The following DNAH5 variants were observed in gnomAD, a reference collection of about 807,000 sequenced individuals.
DNAH5 encodes dynein axonemal heavy chain 5, also known as axonemal beta dynein heavy chain 5.
Under a neutral mutation model 518.2 loss-of-function variants are expected in DNAH5, and 372 were observed. The ratio of observed to expected loss-of-function variants is 0.72; its 90% confidence interval spans 0.66 to 0.78. The LOEUF is 0.78. DNAH5 is among the 30% of genes least tolerant of loss of function. DNAH5 has a pLI of 0.00. For missense variants in DNAH5, 5,523 were observed against 5,687.0 expected, an observed-to-expected ratio of 0.97 and a Z score of 0.93; for synonymous variants, 2,039 against 2,025.9, an observed-to-expected ratio of 1.01 and a Z score of -0.17.
chr5:13,734,610 C>T (rs1217763197), intron 68 of DNAH5, among the ~76,000 whole-genome samples: 1 of 152,078 alleles, frequency 6.6e-6, no homozygotes, highest in African/African-American at 2.4e-5. Context: ...TGACCTGATG[C>T]CATCCCTTCT....
At chr5:13,789,218 T>C (rs1756562793) in intron 50 of DNAH5, among the ~76,000 whole-genome samples, 2 of 152,194 alleles carry the variant, frequency 1.3e-5, no homozygotes, top group Non-Finnish European at 2.9e-5. Context: ...TTGTAATAAA[T>C]TAGTCTTTTT....
chr5:13,902,683 G>C (rs1249924797), intron 12 of DNAH5, among the ~76,000 whole-genome samples: 2 of 152,216 alleles, frequency 1.3e-5, no homozygotes, highest in African/African-American at 4.8e-5. Context: ...GCAGGGCACT[G>C]TCTGGCTCTT....
Position 13,913,775 on chromosome 5 carries a change from C to T in DNAH5, c.1504G>A (p.Glu502Lys). ...TTAGTGGCCATGTCTTCCAGCCCTT[C>T]AATTGTGGAATCTTGCAGGACTGAA... ...TYSVLQDSTIEGLEDMATKYQ... is the reference protein window; with the variant it reads ...TYSVLQDSTIKGLEDMATKYQ... The change falls in exon 11 of 79, where the codon GAA (glutamate) becomes AAA (lysine). Residue 502 changes from glutamate (E) to lysine (K), a missense_variant. Physicochemically the swap from Glu to Lys is moderately conservative, Grantham distance 56 (BLOSUM62 1). Transcript: ENST00000265104. 1 of 1,613,466 alleles carries T rather than the reference C, an allele frequency of 6.2e-7. No homozygotes were observed. Among genetic ancestry groups the T allele is most frequent in the Non-Finnish European group, 8.5e-7 (1 of 1,179,512 alleles).
At chr5:13,972,373 C>G (rs146845477) in intron 1 of DNAH5, among the ~76,000 whole-genome samples, 162 of 152,266 alleles carry the variant, frequency 1.1e-3, no homozygotes, top group African/African-American at 3.7e-3. Flanking sequence ...CACGTTTGGT[C>G]AAAATTGTTA....
intron 73 of DNAH5, among the ~76,000 whole-genome samples, chr5:13,716,936 G>T (rs114018758): frequency 6.4e-4 from 98 of 152,250 alleles, no homozygotes; most frequent in African/African-American, 2.2e-3. Context: ...AATATAAATA[G>T]AAAATAGTGT....
chr5:13,915,822 T>G (rs1776590826), intron 9 of DNAH5, among the ~76,000 whole-genome samples: 1 of 152,044 alleles, frequency 6.6e-6, no homozygotes, highest in Non-Finnish European at 1.5e-5. Flanking sequence ...CACTTACGAG[T>G]TAGGACATAA....
intron 52 of DNAH5, among the ~76,000 whole-genome samples, chr5:13,785,263 T>C (rs1459349087): frequency 6.6e-6 from 1 of 151,370 alleles, no homozygotes; most frequent in Non-Finnish European, 1.5e-5. Context: ...CCTATGAAAA[T>C]CTAATGCCAC....
chr5:13,884,714 A>G (rs1215110350), intron 19 of DNAH5, among the ~76,000 whole-genome samples: 3 of 152,186 alleles, frequency 2.0e-5, no homozygotes, highest in Non-Finnish European at 2.9e-5. Flanking sequence ...GCGTGCGCCT[A>G]TAGTCCCAGC....
At chr5:13,764,572 G>A (rs1483274963) in intron 59 of DNAH5, among the ~76,000 whole-genome samples, 1 of 152,150 alleles carries the variant, frequency 6.6e-6, no homozygotes, top group African/African-American at 2.4e-5. Flanking sequence ...TGAAGATGTT[G>A]AGCAACTTAT....
intron 21 of DNAH5, among the ~76,000 whole-genome samples, chr5:13,882,499 T>C (rs1436095048): frequency 3.9e-5 from 6 of 152,158 alleles, no homozygotes; most frequent in African/African-American, 1.4e-4. Flanking sequence ...GGATGCAAGA[T>C]TGGTTCAATA....
chr5:13,891,175 T>C, intron 16 of DNAH5, 54 bp from the exon 17 acceptor site: 1 of 1,597,908 alleles, frequency 6.3e-7, no homozygotes, highest in Non-Finnish European at 8.6e-7. Context: ...ATTTTGTTTT[T>C]TAAAAAAATC....
At position 13,956,774 on chromosome 5, in the gene DNAH5, G is replaced by A. The variant is rs148159898; in HGVS notation, c.13-25530C>T. Among the ~76,000 whole-genome samples the A allele has an allele frequency of 2.3e-3, 349 of 152,252 alleles. 6 individuals carry two copies. In the East Asian group the frequency reaches 0.036, roughly 16 times the overall value. On this transcript the variant is annotated intron_variant, in intron 1 of 78. Transcript: ENST00000681290. ...TGCTCTTTTTTATTATCATTTTATT[G>A]AGTGATTATCAAATGGGATAGAATT...
Position 13,696,270 on chromosome 5 carries a change from T to A in DNAH5, c.13724-4135A>T, listed in dbSNP as rs185611962. 5.7e-4 allele frequency among the ~76,000 whole-genome samples: 87 copies of A among 152,334 alleles called. 1 individual carries two copies. Among genetic ancestry groups the A allele is most frequent in the Admixed American group, 5.7e-3 (87 of 15,304 alleles). The stretch of plus-strand genomic sequence containing the variant: ...TCTGAAGTTCATTGAGAATCATCAA[T>A]CTGCTCATATAATAAATCTGTGAAG... On this transcript the variant is annotated intron_variant, in intron 78 of 78. Coordinates refer to ENST00000265104, the MANE Select transcript of DNAH5 (RefSeq NM_001369.3).
chr5:13,936,718 T>A (rs1366100188), intron 1 of DNAH5, among the ~76,000 whole-genome samples: 2 of 152,196 alleles, frequency 1.3e-5, no homozygotes, highest in Admixed American at 6.5e-5. Context: ...AAAATTTAAG[T>A]GAAACAAAAC....
intron 6 of DNAH5, 35 bp downstream of exon 6, chr5:13,920,445 G>C (rs138473340): frequency 1.2e-6 from 2 of 1,613,074 alleles, no homozygotes; most frequent in African/African-American, 2.7e-5. Flanking sequence ...CAGTAATGTG[G>C]CACCTGAAAT....
At position 13,814,690 on chromosome 5, in the gene DNAH5, A is replaced by G. The variant is rs1761208665; in HGVS notation, c.7145T>C (p.Ile2382Thr). 1 of 1,614,116 alleles carries G rather than the reference A, an allele frequency of 6.2e-7. No homozygotes were observed. The highest frequency in any genetic ancestry group is 8.5e-7 in the Non-Finnish European group (1 of 1,179,982). ...GACGGTGGCAGGAGAAGCATTGTCA[A>G]TGTTATGAGGCTCGAAAATGATCTT... is the stretch of plus-strand genomic sequence containing the variant. Reference protein sequence around the residue: ...NCKIIFEPHNIDNASPATVSR... With the variant: ...NCKIIFEPHNTDNASPATVSR... The change falls in exon 43 of 79, where the codon ATT (isoleucine) becomes ACT (threonine). Residue 2382 changes from isoleucine to threonine, a missense_variant. Coordinates refer to ENST00000265104, the MANE Select transcript of DNAH5 (RefSeq NM_001369.3).
At position 13,890,878 on chromosome 5, in the gene DNAH5, T is replaced by C. The variant is rs2151948606; in HGVS notation, c.2577+98A>G. ...CACTTCTATCACAGAGCACTGCAAG[T>C]AGAGAAAAAAATCTAACTTATAACT... On this transcript the variant is annotated intron_variant, in intron 17 of 78. Coordinates refer to ENST00000265104, the MANE Select transcript of DNAH5 (RefSeq NM_001369.3). 3.6e-6 allele frequency: 5 copies of C among 1,374,048 alleles called. No individual in the cohort carries two copies. The South Asian group carries it at 6.1e-5, about 17-fold the overall frequency. The allele number at this position is 1,374,048 out of a possible 1,614,324, so 85.1% of individuals were successfully genotyped here.
chr5:13,900,330 G>T lies in DNAH5; in HGVS notation c.2135C>A (p.Pro712His). 1 of 1,614,106 alleles carries T rather than the reference G, an allele frequency of 6.2e-7. No individual in the cohort carries two copies. Among genetic ancestry groups the T allele is most frequent in the South Asian group, 1.1e-5 (1 of 91,080 alleles). Reference sequence around the variant, plus strand: ...TTCTCTAAATAAGATTAATATCTGAGGGTCAAAGTTTACAAACAATTCCCC... The same window carrying T: ...TTCTCTAAATAAGATTAATATCTGATGGTCAAAGTTTACAAACAATTCCCC... ...GTGELFVNFDPQILILFRETE... is the reference protein window; with the variant it reads ...GTGELFVNFDHQILILFRETE... Residue 712 changes from proline (P) to histidine (H), a missense_variant, in exon 15 of 79, where the codon CCT (proline) becomes CAT (histidine). Physicochemically the swap from Pro to His is moderately conservative, Grantham distance 77. Around this residue, in one of 3 missense-constraint regions of DNAH5, gnomAD observed 5,121 missense variants for 5,223.3 expected, o/e 0.98. Transcript: ENST00000265104.
At chr5:13,806,169 C>T (rs371523060) in intron 47 of DNAH5, among the ~76,000 whole-genome samples, 4 of 151,966 alleles carry the variant, frequency 2.6e-5, no homozygotes, top group African/African-American at 7.3e-5. Context: ...AATTGTAAAG[C>T]GGTATTAAAG....
Sources: allele counts gnomAD v4.1 joint callset (sites outside exome capture counted in the v4.1 genomes callset), GRCh38; gene constraint gnomAD v4.1.1; regional missense constraint gnomAD v4.1.1; transcripts MANE v1.5; gene names NCBI Gene and HGNC (gene_info 2026-07-23, HGNC 2026-07-21).